Variants in MYLK4 observed in about 807,000 individuals in gnomAD.
The protein encoded by MYLK4 is myosin light chain kinase family member 4.
Under a neutral mutation model 48.1 loss-of-function variants are expected in MYLK4, and 46 were observed. That is an observed-to-expected ratio of 0.96 (90% CI 0.75 to 1.22). The LOEUF (loss-of-function observed/expected upper bound fraction) is 1.22. MYLK4 is among the 50% of genes most tolerant of loss of function. The probability of loss-of-function intolerance (pLI) is 0.00; values close to 1 mark genes in which losing one functional copy is unlikely to be tolerated. For missense variants in MYLK4, 451 were observed against 486.1 expected (o/e 0.93, Z 0.68); for synonymous variants, 170 against 180.8 (o/e 0.94, Z 0.48).
the MYLK4 span, chr6:2,766,027 G>T: frequency 7.6e-7 from 1 of 1,321,370 alleles, no homozygotes; most frequent in Non-Finnish European, 9.6e-7. Flanking sequence ...GCAGCCCCGG[G>T]AGGAAGGGGT....
Position 2,688,339 on chromosome 6 carries a change from G to A in MYLK4, c.341+512C>T, listed in dbSNP as rs11963946. On this transcript the variant is annotated intron_variant, in intron 4 of 12. Transcript: ENST00000274643. ...TTCCCAAAGTGCTGGGATTACAGGC[G>A]TGAGCCACCGCGCAAGGCCTTTAAT... 2.0e-3 allele frequency among the ~76,000 whole-genome samples: 301 copies of A among 152,350 alleles called. 1 individual carries two copies. Among genetic ancestry groups the A allele is most frequent in the African/African-American group, 6.9e-3 (286 of 41,580 alleles).
At chr6:2,682,816 C>A (rs990607963) in intron 7 of MYLK4, among the ~76,000 whole-genome samples, 2 of 152,146 alleles carry the variant, frequency 1.3e-5, no homozygotes, top group African/African-American at 4.8e-5. Flanking sequence ...TTACAAGAAT[C>A]TGAATATCAC....
the MYLK4 span, chr6:2,766,236 G>A: frequency 1.3e-5 from 19 of 1,473,786 alleles, no homozygotes; most frequent in South Asian, 2.2e-4. Context: ...GCCAGTGGCG[G>A]GGGCCGCCCG....
At chr6:2,712,363 A>G (rs1762703300) in intron 2 of MYLK4, among the ~76,000 whole-genome samples, 1 of 152,222 alleles carries the variant, frequency 6.6e-6, no homozygotes, top group Non-Finnish European at 1.5e-5. Context: ...AAGATAGGCC[A>G]CATATGGGTA....
chr6:2,748,758 G>A (rs557000843), intron 2 of MYLK4, among the ~76,000 whole-genome samples: 11 of 152,290 alleles, frequency 7.2e-5, no homozygotes, highest in South Asian at 4.1e-4. Context: ...TGTCTACCGC[G>A]TGAGGAACTC....
At chr6:2,728,046 A>T (rs1763344541) in intron 2 of MYLK4, among the ~76,000 whole-genome samples, 1 of 151,852 alleles carries the variant, frequency 6.6e-6, no homozygotes. Flanking sequence ...TATGGGCTCC[A>T]TTTTCCCCCA....
At chr6:2,764,485 C>T in the MYLK4 span, among the ~76,000 whole-genome samples, 2 of 152,176 alleles carry the variant, frequency 1.3e-5, no homozygotes, top group South Asian at 4.1e-4. Context: ...TTCATTCTCC[C>T]TCAATTCATT....
In MYLK4 at chr6:2,749,157, A is replaced by T; in HGVS notation, c.138T>A (p.Asp46Glu). 1 of 1,613,896 alleles carries T rather than the reference A, an allele frequency of 6.2e-7. No homozygotes were observed. The highest frequency in any genetic ancestry group is 1.7e-4 in the Middle Eastern group (1 of 6,060). The change falls in exon 2 of 13, where the codon GAT becomes GAA. Residue 46 changes from aspartate to glutamate, a missense_variant. Asp to Glu is a conservative substitution (Grantham distance 45, BLOSUM62 2). Coordinates refer to ENST00000274643, the MANE Select transcript of MYLK4 (RefSeq NM_001012418.5). ...TTACCTCATTATGTCCAGATCTTGA[A>T]TCCTGGTCCCCAGAATTTTTTTCCA... Reference protein sequence around the residue: ...CFLEKNSGDQDSRSGHNEAKE... With the variant: ...CFLEKNSGDQESRSGHNEAKE...
At chr6:2,669,559 C>T (rs12195912) in intron 12 of MYLK4, among the ~76,000 whole-genome samples, 7 of 151,982 alleles carry the variant, frequency 4.6e-5, no homozygotes, top group Non-Finnish European at 8.8e-5. Flanking sequence ...GGCAAACCCT[C>T]GGGGTTTGTG....
At chr6:2,728,921 G>C (rs983139735) in intron 2 of MYLK4, among the ~76,000 whole-genome samples, 1 of 152,180 alleles carries the variant, frequency 6.6e-6, no homozygotes, top group Non-Finnish European at 1.5e-5. Context: ...GGCAGATCCT[G>C]GCTTTCTGTG....
chr6:2,750,697 G>T (rs1764263581), intron 1 of MYLK4, 39 bp downstream of exon 1: 1 of 152,182 alleles, frequency 6.6e-6, no homozygotes, highest in South Asian at 2.1e-4. Flanking sequence ...AAAAGGGGAG[G>T]AGATTTGAGA....
At chr6:2,699,465 T>TC (rs1206578421) in intron 2 of MYLK4, among the ~76,000 whole-genome samples, 3 of 149,356 alleles carry the variant, frequency 2.0e-5, no homozygotes, top group African/African-American at 7.4e-5. Flanking sequence ...TAATTTTTTT[T>TC]TTTTTGTATT....
At chr6:2,698,257 G>A (rs1399704469) in intron 2 of MYLK4, among the ~76,000 whole-genome samples, 1 of 152,130 alleles carries the variant, frequency 6.6e-6, no homozygotes, top group Non-Finnish European at 1.5e-5. Context: ...GTTAGAGGTC[G>A]GCCACCCTGT....
chr6:2,674,254 T>A (rs1308361269), intron 11 of MYLK4, among the ~76,000 whole-genome samples: 1 of 151,996 alleles, frequency 6.6e-6, no homozygotes, highest in African/African-American at 2.4e-5. Flanking sequence ...AGTCTAAGAG[T>A]CTCCCACACA....
At chr6:2,737,924 C>T (rs1446125550) in intron 2 of MYLK4, among the ~76,000 whole-genome samples, 1 of 119,116 alleles carries the variant, frequency 8.4e-6, no homozygotes, top group Non-Finnish European at 1.6e-5. Context: ...CTAAGCCAAG[C>T]AGTGTGTTAA....
chr6:2,732,334 C>A (rs530621916), intron 2 of MYLK4, among the ~76,000 whole-genome samples: 126 of 152,304 alleles, frequency 8.3e-4, no homozygotes, highest in Non-Finnish European at 9.3e-4. Flanking sequence ...CCCCATATTT[C>A]AAATACCCAC....
rs1561868204 is a variant in MYLK4 at position 2,725,593 on chromosome 6, A to AAGAAAAAGAAAG, written c.159+23542_159+23543insCTTTCTTTTTCT. ...AAAGAAAGAAAAAGAAAGAGAAAGA[A>AAGAAAAAGAAAG]AGAAAGAAAGAAACAAACAAACAAA... On this transcript the variant is annotated intron_variant, in intron 2 of 12. Transcript: ENST00000274643. 4.0e-3 allele frequency among the ~76,000 whole-genome samples: 573 copies of AAGAAAAAGAAAG among 143,532 alleles called. 8 individuals carry two copies. The highest frequency in any genetic ancestry group is 0.015 in the African/African-American group (545 of 36,586). The allele number at this position is 143,532 out of a possible 152,430, so 94.2% of individuals were successfully genotyped here.
the MYLK4 span, among the ~76,000 whole-genome samples, chr6:2,763,174 G>A: frequency 6.6e-6 from 1 of 152,218 alleles, no homozygotes; most frequent in Non-Finnish European, 1.5e-5. Context: ...TACAAACCTT[G>A]AGCTAGATAC....
chr6:2,769,434 T>C, the MYLK4 span, among the ~76,000 whole-genome samples: 1 of 152,130 alleles, frequency 6.6e-6, no homozygotes, highest in African/African-American at 2.4e-5. Context: ...ATTAAAATTT[T>C]ATTGGGCTGA....
Sources: gnomAD v4.1 joint callset for allele counts (sites outside exome capture counted in the v4.1 genomes callset) on GRCh38, gnomAD v4.1.1 for gene constraint, MANE v1.5 for transcripts, NCBI Gene and HGNC (gene_info 2026-07-23, HGNC 2026-07-21) for gene names.